The following APBA1 variants were observed in gnomAD, a reference collection of about 807,000 sequenced individuals.
The protein encoded by APBA1 is amyloid beta precursor protein binding family A member 1.
APBA1 carries 55 observed loss-of-function variants against 86.6 expected under a neutral mutation model. That is an observed-to-expected ratio of 0.64 (90% CI 0.51 to 0.80). APBA1 has a LOEUF of 0.80. Ranked by LOEUF, APBA1 falls within the 30% of genes least tolerant of loss-of-function variation. The pLI is 0.00. For synonymous variants in APBA1, 511 were observed against 493.9 expected (o/e 1.03, Z -0.46); for missense variants, 1,090 against 1,183.0 (o/e 0.92, Z 1.15).
intron 1 of APBA1, among the ~76,000 whole-genome samples, chr9:69,546,544 T>G (rs1588354736): frequency 6.6e-6 from 1 of 152,164 alleles, no homozygotes; most frequent in Non-Finnish European, 1.5e-5. Flanking sequence ...TTCTGAGAGG[T>G]CTTTCTATAG....
chr9:69,477,162 G>T (rs925110463), intron 2 of APBA1, among the ~76,000 whole-genome samples: 110 of 152,172 alleles, frequency 7.2e-4, no homozygotes, highest in African/African-American at 2.6e-3. Context: ...AGCTCCCAGC[G>T]TGAGCGACAC....
chr9:69,473,607 G>A (rs1204551965), intron 3 of APBA1, among the ~76,000 whole-genome samples: 1 of 152,088 alleles, frequency 6.6e-6, no homozygotes, highest in African/African-American at 2.4e-5. Flanking sequence ...TTTATTAAGA[G>A]CTACACCAAC....
intron 1 of APBA1, among the ~76,000 whole-genome samples, chr9:69,546,166 G>T (rs1836694441): frequency 6.6e-6 from 1 of 152,112 alleles, no homozygotes; most frequent in East Asian, 1.9e-4. Flanking sequence ...TGTATTTTTT[G>T]GCCTACATTT....
intron 1 of APBA1, among the ~76,000 whole-genome samples, chr9:69,552,944 T>C (rs141139399): frequency 0.01 from 1,520 of 149,506 alleles, 26 homozygotes; most frequent in African/African-American, 0.035. Context: ...TACTCTGTTG[T>C]CCAGACTGAA....
At chr9:69,476,788 G>A (rs1484819981) in intron 2 of APBA1, among the ~76,000 whole-genome samples, 1 of 152,182 alleles carries the variant, frequency 6.6e-6, no homozygotes, top group African/African-American at 2.4e-5. Context: ...GGAAAATAAG[G>A]CTTAGAAAAA....
At chr9:69,441,152 A>G (rs1176885553) in intron 10 of APBA1, 37 bp from the exon 11 acceptor site, 1 of 1,590,400 alleles carries the variant, frequency 6.3e-7, no homozygotes, top group African/African-American at 1.3e-5. Flanking sequence ...TATGGTGACC[A>G]CTGAGGCAGA....
chr9:69,588,308 A>G (rs930013077), intron 1 of APBA1, among the ~76,000 whole-genome samples: 1 of 152,310 alleles, frequency 6.6e-6, no homozygotes, highest in African/African-American at 2.4e-5. Context: ...TGGGAGAATT[A>G]AAGAGCTACA....
rs143262104 is a variant in APBA1, at chr9:69,430,949, C to G, written c.*378G>C. ...TGGGTTTTAGGCACTGCTGAATCAGCTGCTTTGCTGCCCCGCGAGCTCCTT... is the reference window on the plus strand; with the variant it reads ...TGGGTTTTAGGCACTGCTGAATCAGGTGCTTTGCTGCCCCGCGAGCTCCTT... On this transcript the variant is annotated 3_prime_UTR_variant, in exon 13 of 13. Transcript: ENST00000265381. The G allele has an allele frequency of 1.7e-5, 3 of 181,250 alleles. No homozygotes were observed. Among genetic ancestry groups the G allele is most frequent in the Middle Eastern group, 1.9e-3 (1 of 514 alleles). 11.2% of individuals were successfully genotyped at this position (181,250 alleles called of 1,614,324 possible).
At position 69,616,508 on chromosome 9, in the gene APBA1, G is replaced by C. The variant is rs549778069; in HGVS notation, c.-70+55645C>G. ...CTTTGTATTTTCCTTTTTAAACTTTGTACCTGTTACCTGTTAAGTGTCTTC... is the reference window on the plus strand; with the variant it reads ...CTTTGTATTTTCCTTTTTAAACTTTCTACCTGTTACCTGTTAAGTGTCTTC... On this transcript the variant is annotated intron_variant, in intron 1 of 12. Coordinates refer to ENST00000265381, the MANE Select transcript of APBA1 (RefSeq NM_001163.4). Among the ~76,000 whole-genome samples the C allele has an allele frequency of 1.4e-4, 21 of 152,186 alleles. No homozygotes were observed. The South Asian group carries it at 4.4e-3, about 32-fold the overall frequency.
chr9:69,456,306 G>T lies in APBA1; in HGVS notation c.1729C>A (p.Pro577Thr). The change falls in exon 8 of 13, where the codon CCA (proline) becomes ACA (threonine). Residue 577 changes from proline (P) to threonine (T), a missense_variant. This residue lies in a region of APBA1 where 103 missense variants were observed against 91.9 expected (regional missense o/e 1.12). Coordinates refer to ENST00000265381, the MANE Select transcript of APBA1 (RefSeq NM_001163.4). Reference sequence around the variant, plus strand: ...TACTGCCTTTTCCCATCCTGGGATGGGTGGGACGCTTCCACGTTCTCCTGG... The same window carrying T: ...TACTGCCTTTTCCCATCCTGGGATGTGTGGGACGCTTCCACGTTCTCCTGG... Reference protein sequence around the residue: ...NSQENVEASHPSQDGKRQYKM... With the variant: ...NSQENVEASHTSQDGKRQYKM... 6.2e-7 allele frequency: 1 copy of T among 1,614,228 alleles called. No homozygotes were observed. The highest frequency in any genetic ancestry group is 2.2e-5 in the East Asian group (1 of 44,880).
At chr9:69,561,554 A>G (rs889723862) in intron 1 of APBA1, among the ~76,000 whole-genome samples, 1 of 152,182 alleles carries the variant, frequency 6.6e-6, no homozygotes, top group Non-Finnish European at 1.5e-5. Context: ...GTTAGAGTTC[A>G]GAAGTACACT....
At chr9:69,642,151 C>T (rs1275200309) in intron 1 of APBA1, among the ~76,000 whole-genome samples, 1 of 152,150 alleles carries the variant, frequency 6.6e-6, no homozygotes, top group East Asian at 1.9e-4. Flanking sequence ...AGCTTCCATC[C>T]TTTGAAAGAC....
chr9:69,646,257 G>A (rs1445059102), intron 1 of APBA1, among the ~76,000 whole-genome samples: 2 of 152,176 alleles, frequency 1.3e-5, no homozygotes, highest in African/African-American at 2.4e-5. Context: ...GGGGTAGTGG[G>A]TAATGAGGAA....
intron 2 of APBA1, among the ~76,000 whole-genome samples, chr9:69,509,976 CA>C (rs1836003299): frequency 8.6e-6 from 1 of 115,860 alleles, no homozygotes. Flanking sequence ...ACCGAATGGG[CA>C]AAAACTGGAA....
intron 11 of APBA1, among the ~76,000 whole-genome samples, chr9:69,435,451 C>T (rs545369385): frequency 6.6e-6 from 1 of 152,170 alleles, no homozygotes; most frequent in Non-Finnish European, 1.5e-5. Flanking sequence ...TCCTCTCCAG[C>T]ACCTGTTGTT....
At position 69,431,321 on chromosome 9, in the gene APBA1, C is replaced by T. The variant is rs114377067; in HGVS notation, c.*6G>A. On this transcript the variant is annotated 3_prime_UTR_variant, in exon 13 of 13. Coordinates refer to ENST00000265381, the MANE Select transcript of APBA1 (RefSeq NM_001163.4). The stretch of plus-strand genomic sequence containing the variant: ...CCTCCATGCATGCCACCGCGTGTGG[C>T]CGCGGTCAGATGTAAACAGGCTGCT... 6.3e-7 allele frequency: 1 copy of T among 1,597,650 alleles called. No individual in the cohort carries two copies. Among genetic ancestry groups the T allele is most frequent in the Non-Finnish European group, 8.5e-7 (1 of 1,172,846 alleles).
At chr9:69,531,765 G>A (rs1030453876) in intron 1 of APBA1, among the ~76,000 whole-genome samples, 3 of 152,192 alleles carry the variant, frequency 2.0e-5, no homozygotes, top group African/African-American at 7.2e-5. Context: ...TCACTTGGAG[G>A]AGGAGTTGGA....
intron 11 of APBA1, among the ~76,000 whole-genome samples, chr9:69,432,898 A>G (rs2133780511): frequency 6.6e-6 from 1 of 152,270 alleles, no homozygotes; most frequent in Middle Eastern, 3.4e-3. Flanking sequence ...ACTGTAGCAC[A>G]TCACTGGTTT....
At chr9:69,667,027 T>A (rs1249498053) in intron 1 of APBA1, among the ~76,000 whole-genome samples, 1 of 152,198 alleles carries the variant, frequency 6.6e-6, no homozygotes, top group Non-Finnish European at 1.5e-5. Flanking sequence ...TACATGTACG[T>A]CACTGTAAAA....
Sources: allele counts gnomAD v4.1 joint callset (sites outside exome capture counted in the v4.1 genomes callset), GRCh38; gene constraint gnomAD v4.1.1; regional missense constraint gnomAD v4.1.1; transcripts MANE v1.5; gene names NCBI Gene and HGNC (gene_info 2026-07-23, HGNC 2026-07-21).